Variants in ZNF469 observed in about 807,000 individuals in gnomAD.
The protein encoded by ZNF469 is zinc finger protein 469.
ZNF469 carries 1 observed loss-of-function variant against 1.0 expected under a neutral mutation model. The ratio of observed to expected loss-of-function variants is 1.00; its 90% CI spans 0.35 to 4.73. The LOEUF is 4.73. Ranked by LOEUF, ZNF469 falls within the 30% of genes most tolerant of loss-of-function variation. ZNF469 has a pLI of 0.16. For missense variants in ZNF469, 6,100 were observed against 5,356.3 expected, an observed-to-expected ratio of 1.14 and a Z score of -4.33; for synonymous variants, 2,703 against 2,363.4, an observed-to-expected ratio of 1.14 and a Z score of -4.17.
intron 1 of ZNF469, among the ~76,000 whole-genome samples, chr16:88,408,141 C>CT (rs1478921608): frequency 2.0e-5 from 3 of 152,050 alleles, no homozygotes; most frequent in South Asian, 2.1e-4. Context: ...CCCCTTAGTA[C>CT]TTTTTTTTGT....
At chr16:88,380,162 C>T (rs2142255110), upstream of ZNF469, among the ~76,000 whole-genome samples, 1 of 149,894 alleles carries the variant, frequency 6.7e-6, no homozygotes, top group African/African-American at 2.4e-5. Context: ...AATGCACTCA[C>T]AGACATGCAC....
chr16:88,285,061 C>T, the ZNF469 span, among the ~76,000 whole-genome samples: 13,419 of 152,328 alleles, frequency 0.088, 1,991 homozygotes, highest in African/African-American at 0.31. Flanking sequence ...TAGGGGGAGG[C>T]GCATTGCCCA....
chr16:88,185,355 C>A, the ZNF469 span, among the ~76,000 whole-genome samples: 35 of 151,754 alleles, frequency 2.3e-4, no homozygotes, highest in South Asian at 1.7e-3. Flanking sequence ...TGCATGCACA[C>A]ACAAACATAC....
intron 1 of ZNF469, among the ~76,000 whole-genome samples, chr16:88,419,401 CCCCGGCT>C (rs1905391045): frequency 6.6e-6 from 1 of 152,188 alleles, no homozygotes; most frequent in Admixed American, 6.5e-5. Context: ...AACATCCTGA[CCCCGGCT>C]CTGCTCCCCA....
At chr16:88,103,698 A>T in the ZNF469 span, among the ~76,000 whole-genome samples, 1 of 151,654 alleles carries the variant, frequency 6.6e-6, no homozygotes. Context: ...CCGTGGCACG[A>T]GGAAGCGCTG....
the ZNF469 span, among the ~76,000 whole-genome samples, chr16:88,362,112 G>T: frequency 6.6e-6 from 1 of 152,100 alleles, no homozygotes; most frequent in South Asian, 2.1e-4. Context: ...TCTTTTCAAT[G>T]TTGCTTTGGA....
At chr16:88,129,709 A>G in the ZNF469 span, among the ~76,000 whole-genome samples, 1 of 152,194 alleles carries the variant, frequency 6.6e-6, no homozygotes, top group Admixed American at 6.5e-5. Flanking sequence ...AAAAAAATAT[A>G]AAAAGCCAGA....
At chr16:88,362,955 T>C in the ZNF469 span, among the ~76,000 whole-genome samples, 6 of 152,348 alleles carry the variant, frequency 3.9e-5, no homozygotes, top group East Asian at 7.7e-4. Context: ...TTCAAACTTA[T>C]GAATTTTTTT....
the ZNF469 span, among the ~76,000 whole-genome samples, chr16:88,249,905 C>T: frequency 6.6e-6 from 1 of 152,232 alleles, no homozygotes; most frequent in Non-Finnish European, 1.5e-5. Flanking sequence ...CTCCTCACCC[C>T]AAGGCCCCTG....
Position 88,429,699 on chromosome 16 carries a change from G to C in ZNF469, c.2229G>C (p.Leu743=). 6.5e-7 allele frequency: 1 copy of C among 1,542,906 alleles called. No individual in the cohort carries two copies. Among genetic ancestry groups the C allele is most frequent in the Non-Finnish European group, 8.8e-7 (1 of 1,142,232 alleles). ...AGTGTGACCGCAACTACAGCAGCCT[G>C]GCGGCCTTCCTGGCCCACCGGCAGT... ...CRQCDRNYSS[L]AAFLAHRQFC... is the part of the protein sequence containing the mutation. Residue 743 remains leucine (L), a synonymous_variant, in exon 3 of 3, where the codon CTG becomes CTC. Transcript: ENST00000565624.
chr16:88,412,603 C>A lies in ZNF469; in HGVS notation c.-191-12204C>A, dbSNP rs11865646. The stretch of plus-strand genomic sequence containing the variant: ...TCCTAGAGTTGCCCCAGACTGGGCC[C>A]TGGGATAGCAGCATGCAGCATGGGG... On this transcript the variant is annotated intron_variant, in intron 1 of 2. Transcript: ENST00000565624. Among the ~76,000 whole-genome samples, 1,195 of 152,306 alleles carry A rather than the reference C, an allele frequency of 7.8e-3. 12 individuals are homozygous for A. The highest frequency in any genetic ancestry group is 0.028 in the African/African-American group (1,144 of 41,556).
chr16:88,227,355 C>T, the ZNF469 span, among the ~76,000 whole-genome samples: 3 of 152,174 alleles, frequency 2.0e-5, no homozygotes, highest in African/African-American at 7.2e-5. Flanking sequence ...ACCCGTCAAC[C>T]GCCACTCAGC....
At chr16:88,150,233 C>A in the ZNF469 span, among the ~76,000 whole-genome samples, 1 of 152,136 alleles carries the variant, frequency 6.6e-6, no homozygotes, top group East Asian at 1.9e-4. Context: ...TCGCTTGAAC[C>A]CGAGAGGCGG....
At chr16:88,142,097 A>G in the ZNF469 span, among the ~76,000 whole-genome samples, 16 of 152,368 alleles carry the variant, frequency 1.1e-4, no homozygotes, top group African/African-American at 3.4e-4. Flanking sequence ...CAGGATCTCA[A>G]CAGGCTTCCA....
At chr16:88,223,280 G>A in the ZNF469 span, among the ~76,000 whole-genome samples, 1 of 152,210 alleles carries the variant, frequency 6.6e-6, no homozygotes, top group Non-Finnish European at 1.5e-5. Context: ...CGATCTGCGG[G>A]TTTTATAAGG....
At chr16:88,159,433 G>C in the ZNF469 span, among the ~76,000 whole-genome samples, 1 of 152,104 alleles carries the variant, frequency 6.6e-6, no homozygotes, top group Non-Finnish European at 1.5e-5. Context: ...TCAGAGTCCT[G>C]GGGGACAGGC....
the ZNF469 span, among the ~76,000 whole-genome samples, chr16:88,117,635 G>A: frequency 2.9e-3 from 82 of 28,610 alleles, no homozygotes; most frequent in African/African-American, 0.015. Context: ...TTCATGGACC[G>A]TGGGAAAGTG....
At chr16:88,117,084 C>G in the ZNF469 span, among the ~76,000 whole-genome samples, 1 of 152,046 alleles carries the variant, frequency 6.6e-6, no homozygotes, top group Non-Finnish European at 1.5e-5. Flanking sequence ...ACGCCTGATG[C>G]TCTGAAGGGT....
At chr16:88,327,534 C>T in the ZNF469 span, among the ~76,000 whole-genome samples, 1 of 152,134 alleles carries the variant, frequency 6.6e-6, no homozygotes, top group East Asian at 1.9e-4. Context: ...GTGCCATCCT[C>T]AACATATCAC....
Sources: gnomAD v4.1 joint callset for allele counts (sites outside exome capture counted in the v4.1 genomes callset) on GRCh38, gnomAD v4.1.1 for gene constraint, MANE v1.5 for transcripts, NCBI Gene and HGNC (gene_info 2026-07-23, HGNC 2026-07-21) for gene names.